Variants in RNF216 observed in about 807,000 individuals in gnomAD.
RNF216 encodes the protein ring finger protein 216.
Under a neutral mutation model 110.8 loss-of-function variants are expected in RNF216, and 72 were observed. That is an observed-to-expected ratio of 0.65 (90% CI 0.54 to 0.79). RNF216 has a LOEUF of 0.79. Ranked by LOEUF, RNF216 falls within the 30% of genes least tolerant of loss-of-function variation. The pLI, the probability that RNF216 is intolerant of heterozygous loss-of-function variation, is 0.00. For missense variants in RNF216, 1,342 were observed against 1,141.2 expected (o/e 1.18, Z -2.54); for synonymous variants, 495 against 407.5 (o/e 1.21, Z -2.59).
At chr7:5,710,221 G>A (rs994784837) in intron 13 of RNF216, among the ~76,000 whole-genome samples, 11 of 152,146 alleles carry the variant, frequency 7.2e-5, no homozygotes, top group African/African-American at 2.2e-4. Context: ...TCAGTCAGGC[G>A]TGGTGGCGCA....
chr7:5,777,852 G>A (rs1208411510), intron 1 of RNF216, among the ~76,000 whole-genome samples: 1 of 152,128 alleles, frequency 6.6e-6, no homozygotes, highest in East Asian at 1.9e-4. Flanking sequence ...TCTTCAGTGG[G>A]CGGGCTAAAC....
At chr7:5,669,940 T>C (rs1330531623) in intron 13 of RNF216, among the ~76,000 whole-genome samples, 1 of 151,884 alleles carries the variant, frequency 6.6e-6, no homozygotes, top group African/African-American at 2.4e-5. Context: ...CCTTTTTTTT[T>C]TTTTGAGATG....
At chr7:5,671,852 A>C (rs1789939965) in intron 13 of RNF216, among the ~76,000 whole-genome samples, 1 of 148,580 alleles carries the variant, frequency 6.7e-6, no homozygotes, top group Admixed American at 6.7e-5. Flanking sequence ...ACACCAGAGG[A>C]GTGCACAGAA....
chr7:5,647,328 C>CTTTTTTTTT (rs10617479), intron 14 of RNF216, among the ~76,000 whole-genome samples: 11 of 94,802 alleles, frequency 1.2e-4, no homozygotes, highest in Non-Finnish European at 2.1e-4. Context: ...TTCTTTCTTT[C>CTTTTTTTTT]TTTTTTTTTT....
chr7:5,623,709 C>T (rs563335481), intron 16 of RNF216, among the ~76,000 whole-genome samples: 1 of 152,246 alleles, frequency 6.6e-6, no homozygotes, highest in East Asian at 1.9e-4. Context: ...GCTGGGATCG[C>T]AGATGTGTGC....
chr7:5,707,750 G>T (rs1236856537), intron 13 of RNF216, among the ~76,000 whole-genome samples: 1 of 121,904 alleles, frequency 8.2e-6, no homozygotes, highest in Non-Finnish European at 1.6e-5. Flanking sequence ...TTGTGACAGA[G>T]TCTCACTCTG....
intron 13 of RNF216, among the ~76,000 whole-genome samples, chr7:5,681,136 A>G (rs1326712779): frequency 6.6e-6 from 1 of 152,152 alleles, no homozygotes; most frequent in Non-Finnish European, 1.5e-5. Context: ...CTTGCTTATA[A>G]TTTGGACAAG....
intron 1 of RNF216, among the ~76,000 whole-genome samples, chr7:5,765,787 CA>C (rs56903968): frequency 1.1e-3 from 138 of 123,266 alleles, no homozygotes; most frequent in Admixed American, 2.5e-3. Flanking sequence ...TACTAAAATA[CA>C]AAAAAAAAAA....
intron 4 of RNF216, among the ~76,000 whole-genome samples, chr7:5,740,327 C>T (rs973817708): frequency 2.0e-5 from 3 of 151,954 alleles, no homozygotes; most frequent in Non-Finnish European, 4.4e-5. Flanking sequence ...AGGGTTTCAC[C>T]GTGTTAGCCA....
At chr7:5,677,678 G>A (rs1362711804) in intron 13 of RNF216, among the ~76,000 whole-genome samples, 1 of 152,198 alleles carries the variant, frequency 6.6e-6, no homozygotes, top group Non-Finnish European at 1.5e-5. Flanking sequence ...ATGAGAGTAG[G>A]TGAATCCCCT....
intron 3 of RNF216, among the ~76,000 whole-genome samples, chr7:5,748,825 C>T (rs1795181574): frequency 6.6e-6 from 1 of 152,188 alleles, no homozygotes; most frequent in Non-Finnish European, 1.5e-5. Flanking sequence ...TTAAACTGCA[C>T]AGGGGTTGGC....
intron 13 of RNF216, among the ~76,000 whole-genome samples, chr7:5,678,955 G>A (rs1194872227): frequency 1.3e-5 from 2 of 152,216 alleles, no homozygotes; most frequent in East Asian, 3.8e-4. Context: ...ATCACACAGG[G>A]ACTAGAAATG....
At chr7:5,762,335 C>A (rs1795977755) in intron 1 of RNF216, among the ~76,000 whole-genome samples, 1 of 151,786 alleles carries the variant, frequency 6.6e-6, no homozygotes, top group Admixed American at 6.6e-5. Flanking sequence ...CCAGCCTGGC[C>A]AACATGGTGA....
chr7:5,735,432 G>A (rs117492238), intron 5 of RNF216, among the ~76,000 whole-genome samples: 6 of 152,004 alleles, frequency 3.9e-5, no homozygotes, highest in African/African-American at 1.4e-4. Flanking sequence ...ATGTTTATTG[G>A]TTAAAGAAAT....
At chr7:5,724,361 G>C (rs1793624070) in intron 8 of RNF216, among the ~76,000 whole-genome samples, 1 of 152,200 alleles carries the variant, frequency 6.6e-6, no homozygotes, top group Admixed American at 6.5e-5. Context: ...AAAAGACAGA[G>C]CTGACCAACA....
chr7:5,620,396 G>C lies in RNF216; in HGVS notation c.*2464C>G, dbSNP rs1786279035. ...TGCCTGTTGTCTGACCTGCTCTCTGGGCACTGGCACGGCCCCTTGCTGGCT... is the reference window on the plus strand; with the variant it reads ...TGCCTGTTGTCTGACCTGCTCTCTGCGCACTGGCACGGCCCCTTGCTGGCT... On this transcript the variant is annotated 3_prime_UTR_variant, in exon 17 of 17. Coordinates refer to ENST00000389902, the MANE Select transcript of RNF216 (RefSeq NM_207111.4). 2.0e-5 allele frequency: 3 copies of C among 152,278 alleles called. No homozygotes were observed. In the South Asian group the frequency reaches 6.2e-4, roughly 32 times the overall value. 9.4% of individuals were successfully genotyped at this position (152,278 alleles called of 1,614,324 possible).
At chr7:5,770,804 T>C (rs1027310557) in intron 1 of RNF216, among the ~76,000 whole-genome samples, 2 of 147,568 alleles carry the variant, frequency 1.4e-5, no homozygotes, top group Non-Finnish European at 3.0e-5. Flanking sequence ...AACAGATTCT[T>C]TTTTTTTTTT....
At chr7:5,721,229 G>A (rs2302907) in intron 8 of RNF216, 57 bp from the exon 9 acceptor site, 692,887 of 1,526,218 alleles carry the variant, frequency 0.45, 159,957 homozygotes, top group Admixed American at 0.52. Flanking sequence ...AGGAACCTGG[G>A]CCAGCCATGT....
chr7:5,727,061 T>C (rs1472382555), intron 7 of RNF216, among the ~76,000 whole-genome samples: 1 of 152,150 alleles, frequency 6.6e-6, no homozygotes, highest in Non-Finnish European at 1.5e-5. Flanking sequence ...GCTCATGTCC[T>C]GTGGCTACGC....
Sources: allele counts gnomAD v4.1 joint callset (sites outside exome capture counted in the v4.1 genomes callset), GRCh38; gene constraint gnomAD v4.1.1; transcripts MANE v1.5; gene names NCBI Gene and HGNC (gene_info 2026-07-23, HGNC 2026-07-21).